The following TCP11L2 variants were observed in gnomAD, a reference collection of about 807,000 sequenced individuals.
TCP11L2 encodes t-complex 11 like 2.
In TCP11L2, 39 loss-of-function variants were observed where a neutral mutation model predicts 50.7. The ratio of observed to expected loss-of-function variants is 0.77; its 90% CI spans 0.60 to 1.01. The LOEUF (loss-of-function observed/expected upper bound fraction) is 1.01, where lower values mean the gene tolerates loss of function less well. Ranked by LOEUF, TCP11L2 falls within the 50% of genes least tolerant of loss-of-function variation. The pLI is 0.00. For missense variants in TCP11L2, 612 were observed against 614.7 expected (o/e 1.00, Z 0.05); for synonymous variants, 192 against 219.3 (o/e 0.88, Z 1.10).
chr12:106,345,782 C>A (rs1469066587), intron 9 of TCP11L2, among the ~76,000 whole-genome samples: 1 of 152,146 alleles, frequency 6.6e-6, no homozygotes, highest in African/African-American at 2.4e-5. Context: ...TCTTGCTGAA[C>A]TCACTAATGT....
At chr12:106,331,585 A>C (rs1310873495) in intron 6 of TCP11L2, among the ~76,000 whole-genome samples, 1 of 152,194 alleles carries the variant, frequency 6.6e-6, no homozygotes, top group Non-Finnish European at 1.5e-5. Flanking sequence ...AAACGGTTCT[A>C]AGTGTTTTGC....
At chr12:106,314,767 A>G (rs1373234220) in intron 3 of TCP11L2, among the ~76,000 whole-genome samples, 2 of 152,028 alleles carry the variant, frequency 1.3e-5, no homozygotes, top group Non-Finnish European at 2.9e-5. Context: ...TGGGAGGTGG[A>G]GGCGGGAGGA....
Position 106,323,657 on chromosome 12 carries a change from T to C in TCP11L2, c.772+11T>C, listed in dbSNP as rs200123683. 2.8e-6 allele frequency: 4 copies of C among 1,446,774 alleles called. No individual in the cohort carries two copies. In the East Asian group the frequency reaches 1.0e-4, roughly 37 times the overall value. 89.6% of individuals were successfully genotyped at this position (1,446,774 alleles called of 1,614,324 possible). A position where few individuals can be genotyped will look rare whatever the true frequency, so the allele number is the denominator to read the frequency against. Reference sequence around the variant, plus strand: ...TGGAAGAAACTCCAAGTGAGTATAATATAATGTGTATTTATATTGAAATTA... The same window carrying C: ...TGGAAGAAACTCCAAGTGAGTATAACATAATGTGTATTTATATTGAAATTA... On this transcript the variant is annotated intron_variant, in intron 6 of 9. Coordinates refer to ENST00000299045, the MANE Select transcript of TCP11L2 (RefSeq NM_152772.3).
rs143467955 is a variant in TCP11L2, at chr12:106,329,525, C to T, written c.772+5879C>T. ...GACTACAAATTAGAATCATCTGGGGCGTTTAAACACAGAGGCCTGAGCCCT... is the reference window on the plus strand; with the variant it reads ...GACTACAAATTAGAATCATCTGGGGTGTTTAAACACAGAGGCCTGAGCCCT... On this transcript the variant is annotated intron_variant, in intron 6 of 9. Transcript: ENST00000299045. The T allele has an allele frequency of 3.9e-4, 574 of 1,455,702 alleles. 8 individuals are homozygous for T. In the African/African-American group the frequency reaches 7.3e-3, roughly 18 times the overall value. 90.2% of individuals were successfully genotyped at this position (1,455,702 alleles called of 1,614,324 possible).
At chr12:106,314,250 C>A in intron 2 of TCP11L2, 108 bp from the exon 3 acceptor site, 2 of 1,188,984 alleles carry the variant, frequency 1.7e-6, no homozygotes, top group South Asian at 1.6e-5. Context: ...ACCTATAAAA[C>A]TCTGAAGTAT....
At chr12:106,305,092 A>G (rs1331958506) in intron 1 of TCP11L2, among the ~76,000 whole-genome samples, 3 of 152,168 alleles carry the variant, frequency 2.0e-5, no homozygotes, top group African/African-American at 7.2e-5. Flanking sequence ...GGTAGAGAGC[A>G]TGGGTTTTAG....
At chr12:106,333,072 A>G (rs2035798109) in intron 6 of TCP11L2, among the ~76,000 whole-genome samples, 1 of 152,160 alleles carries the variant, frequency 6.6e-6, no homozygotes, top group Non-Finnish European at 1.5e-5. Context: ...AGGGATCCAC[A>G]TATGTAACAC....
chr12:106,299,091 C>G (rs936683040), upstream of TCP11L2, among the ~76,000 whole-genome samples: 7 of 151,506 alleles, frequency 4.6e-5, no homozygotes, highest in Non-Finnish European at 7.4e-5. Context: ...GCTGAGATTA[C>G]AGGCCTGAGC....
intron 9 of TCP11L2, 35 bp downstream of exon 9, chr12:106,341,033 A>G: frequency 1.9e-6 from 3 of 1,568,016 alleles, no homozygotes; most frequent in Non-Finnish European, 2.6e-6. Context: ...TTCAATTCCA[A>G]TTTGCTTTAA....
At chr12:106,334,831 C>T (rs948395701) in intron 6 of TCP11L2, among the ~76,000 whole-genome samples, 28 of 152,236 alleles carry the variant, frequency 1.8e-4, no homozygotes, top group African/African-American at 6.0e-4. Flanking sequence ...GTCCCAGCTA[C>T]TCAGGAGGCT....
At chr12:106,299,213 C>A (rs1392520271), upstream of TCP11L2, among the ~76,000 whole-genome samples, 2 of 152,164 alleles carry the variant, frequency 1.3e-5, no homozygotes, top group African/African-American at 4.8e-5. Flanking sequence ...GGTCAAAGTG[C>A]AGTGAAAATT....
intron 6 of TCP11L2, among the ~76,000 whole-genome samples, 191 bp from the exon 7 acceptor site, chr12:106,335,448 A>G (rs1197587158): frequency 2.6e-5 from 4 of 152,146 alleles, no homozygotes; most frequent in African/African-American, 9.7e-5. Flanking sequence ...CACAATTACT[A>G]GCATTCATTG....
rs1157354996 is a variant in TCP11L2 at position 106,302,767 on chromosome 12, A to T, written c.-210A>T. On this transcript the variant is annotated 5_prime_UTR_variant, in exon 1 of 10. The change abolishes the stop of an existing upstream ORF in the 5' untranslated region. Coordinates refer to ENST00000299045, the MANE Select transcript of TCP11L2 (RefSeq NM_152772.3). Reference sequence around the variant, plus strand: ...ATGGCCGCGCCGTGGCTGCCTCCCTAGAGTCCCTCAGGGCCCTTTAAATAC... The same window carrying T: ...ATGGCCGCGCCGTGGCTGCCTCCCTTGAGTCCCTCAGGGCCCTTTAAATAC... 1 of 151,412 alleles carries T rather than the reference A, an allele frequency of 6.6e-6. No homozygotes were observed. Among genetic ancestry groups the T allele is most frequent in the African/African-American group, 2.4e-5 (1 of 40,972 alleles). 9.4% of individuals were successfully genotyped at this position (151,412 alleles called of 1,614,324 possible).
intron 8 of TCP11L2, among the ~76,000 whole-genome samples, chr12:106,336,836 T>C (rs1487291847): frequency 1.3e-5 from 2 of 152,262 alleles, no homozygotes; most frequent in East Asian, 3.9e-4. Flanking sequence ...GAAGAGGGCT[T>C]TCCTCCAGTT....
At chr12:106,313,764 ATTTTTTTTTTTTT>A (rs34867730) in intron 2 of TCP11L2, among the ~76,000 whole-genome samples, 1 of 113,890 alleles carries the variant, frequency 8.8e-6, no homozygotes. Flanking sequence ...AGGTAATTTA[ATTTTTTTTTTTTT>A]TTTTTTTGAG....
chr12:106,335,298 C>A (rs2035877396), intron 6 of TCP11L2, among the ~76,000 whole-genome samples: 1 of 152,198 alleles, frequency 6.6e-6, no homozygotes, highest in Non-Finnish European at 1.5e-5. Flanking sequence ...AACCCTCTTA[C>A]CCCTAGTTCT....
rs537201781 is a variant in TCP11L2, at chr12:106,310,621, A to G, written c.-35-420A>G. On this transcript the variant is annotated intron_variant, in intron 1 of 9. Coordinates refer to ENST00000299045, the MANE Select transcript of TCP11L2 (RefSeq NM_152772.3). Reference sequence around the variant, plus strand: ...GTTAGTCTTTCAGTCCAGTTTCACTATGAGGTAGGTAGTTAAGTGACCTTC... The same window carrying G: ...GTTAGTCTTTCAGTCCAGTTTCACTGTGAGGTAGGTAGTTAAGTGACCTTC... 3.3e-5 allele frequency among the ~76,000 whole-genome samples: 5 copies of G among 152,324 alleles called. No individual in the cohort carries two copies. In the South Asian group the frequency reaches 8.3e-4, roughly 25 times the overall value.
At chr12:106,319,203 G>T (rs536886048) in intron 4 of TCP11L2, among the ~76,000 whole-genome samples, 1 of 152,170 alleles carries the variant, frequency 6.6e-6, no homozygotes, top group African/African-American at 2.4e-5. Context: ...GAGCCACCGC[G>T]CCCAGCCTAG....
chr12:106,311,111 G>A lies in TCP11L2; in HGVS notation c.36G>A (p.Glu12=), dbSNP rs200613706. 3 of 1,614,074 alleles carry A rather than the reference G, an allele frequency of 1.9e-6. No individual in the cohort carries two copies. Among genetic ancestry groups the A allele is most frequent in the Non-Finnish European group, 1.7e-6 (2 of 1,180,038 alleles). The change falls in exon 2 of 10, where the codon GAG becomes GAA. Residue 12 remains glutamate, a synonymous_variant. Transcript: ENST00000299045. ...ATGGCGAGAAGCAGTGTGTGGGAGAGGACCAGCCAAGCGATTCTGATTCTT... is the reference window on the plus strand; with the variant it reads ...ATGGCGAGAAGCAGTGTGTGGGAGAAGACCAGCCAAGCGATTCTGATTCTT... The part of the protein sequence containing the change: ...PFNGEKQCVG[E]DQPSDSDSSR...
Sources: allele counts gnomAD v4.1 joint callset (sites outside exome capture counted in the v4.1 genomes callset), GRCh38; gene constraint gnomAD v4.1.1; transcripts MANE v1.5; gene names NCBI Gene and HGNC (gene_info 2026-07-23, HGNC 2026-07-21).